Variants in SDK1 observed in about 807,000 individuals in gnomAD.
SDK1 encodes the protein sidekick cell adhesion molecule 1.
In SDK1, 157 loss-of-function variants were observed where a neutral mutation model predicts 245.5. That is an observed-to-expected ratio of 0.64 (90% confidence interval 0.56 to 0.73). The LOEUF is 0.73. Among genes scored for constraint, SDK1 ranks in the 30% least tolerant of loss-of-function variants. The probability of loss-of-function intolerance (pLI) is 0.00; values close to 1 mark genes in which losing one functional copy is unlikely to be tolerated. For missense variants in SDK1, 3,583 were observed against 3,002.3 expected (o/e 1.19, Z -4.52); for synonymous variants, 1,647 against 1,278.5 (o/e 1.29, Z -6.15).
At chr7:3,857,666 G>A (rs769970814) in intron 5 of SDK1, among the ~76,000 whole-genome samples, 6 of 148,462 alleles carry the variant, frequency 4.0e-5, no homozygotes, top group African/African-American at 4.9e-5. Flanking sequence ...CAGCCTGGCC[G>A]ACAGAGTAAG....
At position 3,665,885 on chromosome 7, in the gene SDK1, G is replaced by A. The variant is rs571397135; in HGVS notation, c.713+23780G>A. 3.7e-4 allele frequency among the ~76,000 whole-genome samples: 56 copies of A among 152,094 alleles called. No homozygotes were observed. The South Asian group carries it at 1.0e-2, about 27-fold the overall frequency. On this transcript the variant is annotated intron_variant, in intron 4 of 44. Coordinates refer to ENST00000404826, the MANE Select transcript of SDK1 (RefSeq NM_152744.4). ...TGTAGATTGACTTAGTGATGAAGAT[G>A]TTTCCTCAGTTGGTTCCATTTATGA...
At chr7:4,099,717 C>A (rs919251917) in intron 22 of SDK1, among the ~76,000 whole-genome samples, 1 of 145,514 alleles carries the variant, frequency 6.9e-6, no homozygotes, top group South Asian at 2.3e-4. Flanking sequence ...GTGGCTAATG[C>A]ACCGTGGGCA....
intron 13 of SDK1, among the ~76,000 whole-genome samples, chr7:3,979,377 T>TTCTA (rs1199198079): frequency 6.6e-6 from 1 of 152,198 alleles, no homozygotes; most frequent in Non-Finnish European, 1.5e-5. Flanking sequence ...GCTGGGAACT[T>TTCTA]TCTAGCCCTT....
intron 1 of SDK1, among the ~76,000 whole-genome samples, chr7:3,509,249 G>A (rs1301146566): frequency 6.6e-6 from 1 of 152,092 alleles, no homozygotes; most frequent in Non-Finnish European, 1.5e-5. Context: ...AGATGCTTGG[G>A]GAGGGGTCCT....
chr7:4,068,545 C>T (rs761735893), intron 20 of SDK1, among the ~76,000 whole-genome samples: 2 of 152,036 alleles, frequency 1.3e-5, no homozygotes. Flanking sequence ...CCACCCTGCC[C>T]TCCAGTGAGA....
intron 5 of SDK1, among the ~76,000 whole-genome samples, chr7:3,846,567 A>G (rs1246988830): frequency 6.6e-6 from 1 of 152,154 alleles, no homozygotes; most frequent in African/African-American, 2.4e-5. Flanking sequence ...GAAGCCATCC[A>G]CCACTCTATA....
At chr7:3,666,181 T>G (rs1035218490) in intron 4 of SDK1, among the ~76,000 whole-genome samples, 3 of 152,210 alleles carry the variant, frequency 2.0e-5, no homozygotes, top group African/African-American at 7.2e-5. Context: ...TTTAAAATCC[T>G]TTTAGTAGTT....
intron 1 of SDK1, among the ~76,000 whole-genome samples, chr7:3,401,996 T>G (rs1778901082): frequency 6.6e-6 from 1 of 152,180 alleles, no homozygotes; most frequent in Admixed American, 6.6e-5. Flanking sequence ...CTGCTGAATA[T>G]GTACCTTGAG....
At chr7:3,908,829 ATTT>A (rs200107496) in intron 5 of SDK1, among the ~76,000 whole-genome samples, 1 of 131,206 alleles carries the variant, frequency 7.6e-6, no homozygotes, top group African/African-American at 3.4e-5. Flanking sequence ...GAAAGAATTC[ATTT>A]TTTTTTTTTT....
At chr7:3,550,344 T>A (rs1779360694) in intron 1 of SDK1, among the ~76,000 whole-genome samples, 1 of 152,212 alleles carries the variant, frequency 6.6e-6, no homozygotes, top group Non-Finnish European at 1.5e-5. Flanking sequence ...TTTCTAAATG[T>A]AGTCTCCAGA....
chr7:3,352,501 C>T lies in SDK1; in HGVS notation c.298+50617C>T, dbSNP rs572424334. Among the ~76,000 whole-genome samples, 10 of 152,228 alleles carry T rather than the reference C, an allele frequency of 6.6e-5. No homozygotes were observed. In the East Asian group the frequency reaches 1.5e-3, roughly 23 times the overall value. ...GAGCTTAGTTCACAGGCTGTGGCTC[C>T]TGTTTTTATTCATTTAGAGGCTGAT... On this transcript the variant is annotated intron_variant, in intron 1 of 44. Transcript: ENST00000404826.
At chr7:3,852,277 A>C (rs2115103764) in intron 5 of SDK1, among the ~76,000 whole-genome samples, 1 of 152,022 alleles carries the variant, frequency 6.6e-6, no homozygotes, top group East Asian at 1.9e-4. Flanking sequence ...AAAACTGGCC[A>C]GCCGAGAGCG....
intron 13 of SDK1, among the ~76,000 whole-genome samples, chr7:3,975,935 G>A (rs1360207304): frequency 2.1e-5 from 3 of 141,084 alleles, no homozygotes; most frequent in East Asian, 2.1e-4. Context: ...ATCACTGAGG[G>A]TCCCGGGGCT....
intron 37 of SDK1, among the ~76,000 whole-genome samples, chr7:4,209,513 A>C (rs1225431423): frequency 2.0e-5 from 3 of 152,190 alleles, no homozygotes; most frequent in African/African-American, 7.2e-5. Flanking sequence ...TCCCCGCTCC[A>C]GACCCAGGGG....
chr7:3,771,975 A>G (rs1263912626), intron 4 of SDK1, among the ~76,000 whole-genome samples: 5 of 151,954 alleles, frequency 3.3e-5, no homozygotes, highest in Non-Finnish European at 7.4e-5. Context: ...GAGTTTGTCT[A>G]CTCCGTGTAC....
intron 12 of SDK1, among the ~76,000 whole-genome samples, chr7:3,972,240 C>T (rs1385050856): frequency 2.6e-5 from 4 of 152,032 alleles, no homozygotes; most frequent in Admixed American, 6.6e-5. Flanking sequence ...CCACCACTCC[C>T]GGCTATTTTT....
At chr7:3,638,894 C>T (rs1782558020) in intron 2 of SDK1, 110 bp from the exon 3 acceptor site, 5 of 532,014 alleles carry the variant, frequency 9.4e-6, no homozygotes, top group East Asian at 3.1e-5. Flanking sequence ...ATTTGTTGAG[C>T]ATATACTAGA....
intron 5 of SDK1, among the ~76,000 whole-genome samples, chr7:3,937,070 C>T (rs976800333): frequency 2.0e-5 from 3 of 152,160 alleles, no homozygotes; most frequent in Non-Finnish European, 2.9e-5. Context: ...GAATACTGTC[C>T]GTGCAGTGGC....
chr7:3,940,876 C>T (rs896216872), intron 5 of SDK1, among the ~76,000 whole-genome samples: 3 of 152,036 alleles, frequency 2.0e-5, no homozygotes, highest in South Asian at 4.2e-4. Flanking sequence ...TGCAGGCCAT[C>T]TCCTGTGCTC....
Sources: gnomAD v4.1 joint callset for allele counts (sites outside exome capture counted in the v4.1 genomes callset) on GRCh38, gnomAD v4.1.1 for gene constraint, MANE v1.5 for transcripts, NCBI Gene and HGNC (gene_info 2026-07-23, HGNC 2026-07-21) for gene names.